Variants in EVC2 observed in about 807,000 individuals in gnomAD.
EVC2 encodes EvC ciliary complex subunit 2.
EVC2 carries 148 observed loss-of-function variants against 149.3 expected under a neutral mutation model. The observed-to-expected ratio is 0.99, with a 90% CI of 0.87 to 1.14. The LOEUF (loss-of-function observed/expected upper bound fraction) is 1.14. Among genes scored for constraint, EVC2 ranks in the 50% most tolerant of loss-of-function variants. EVC2 has a pLI of 0.00. For synonymous variants in EVC2, 776 were observed against 649.9 expected (o/e 1.19, Z -2.95); for missense variants, 1,854 against 1,627.3 (o/e 1.14, Z -2.40).
intron 21 of EVC2, among the ~76,000 whole-genome samples, chr4:5,544,018 G>A (rs866368837): frequency 2.6e-5 from 4 of 152,134 alleles, no homozygotes; most frequent in African/African-American, 9.7e-5. Context: ...ACATCAGGTC[G>A]GCAAATTGTG....
At chr4:5,558,757 GTACTC>G (rs1721885889), downstream of EVC2, among the ~76,000 whole-genome samples, 1 of 152,190 alleles carries the variant, frequency 6.6e-6, no homozygotes, top group Non-Finnish European at 1.5e-5. Context: ...CTGCACATAA[GTACTC>G]TACTCTACTG....
intron 16 of EVC2, among the ~76,000 whole-genome samples, chr4:5,606,136 A>G (rs1714377007): frequency 6.6e-6 from 1 of 152,156 alleles, no homozygotes; most frequent in Non-Finnish European, 1.5e-5. Context: ...AAATGCCTAA[A>G]TCTTGTTGAT....
At chr4:5,634,341 C>T (rs1247296376) in intron 10 of EVC2, among the ~76,000 whole-genome samples, 2 of 152,224 alleles carry the variant, frequency 1.3e-5, no homozygotes, top group Non-Finnish European at 2.9e-5. Context: ...CTGGGCACCG[C>T]AGGGGCATTC....
chr4:5,706,377 GATA>G (rs1560243423), intron 1 of EVC2, among the ~76,000 whole-genome samples: 50 of 9,542 alleles, frequency 5.2e-3, no homozygotes, highest in East Asian at 0.03. Flanking sequence ...TACATAGATA[GATA>G]CATAGATAGA....
chr4:5,660,012 TATA>T (rs1303776944), intron 9 of EVC2, among the ~76,000 whole-genome samples: 2 of 152,194 alleles, frequency 1.3e-5, no homozygotes, highest in Non-Finnish European at 2.9e-5. Flanking sequence ...CATCACTTAA[TATA>T]ATAAGTGACA....
At chr4:5,701,860 A>C (rs562870101) in intron 1 of EVC2, among the ~76,000 whole-genome samples, 3 of 152,234 alleles carry the variant, frequency 2.0e-5, no homozygotes, top group Non-Finnish European at 2.9e-5. Flanking sequence ...ACCCAGAACC[A>C]ATCCCAGTAA....
chr4:5,660,420 A>C (rs1191880256), intron 9 of EVC2, among the ~76,000 whole-genome samples: 1 of 152,212 alleles, frequency 6.6e-6, no homozygotes, highest in Non-Finnish European at 1.5e-5. Context: ...CAGGCCAGTT[A>C]AGTAGTTGCT....
chr4:5,665,691 C>G (rs774648150), intron 7 of EVC2, 42 bp from the exon 8 acceptor site: 2 of 1,608,956 alleles, frequency 1.2e-6, no homozygotes, highest in Admixed American at 1.7e-5. Flanking sequence ...TGTGGTCAGA[C>G]AGCATGTCTC....
chr4:5,544,457 A>C (rs752588050), intron 21 of EVC2, among the ~76,000 whole-genome samples: 2 of 152,154 alleles, frequency 1.3e-5, no homozygotes, highest in African/African-American at 2.4e-5. Context: ...AATTCTGTGG[A>C]AAGTTTGGGT....
At chr4:5,688,042 C>T (rs758447911) in intron 5 of EVC2, among the ~76,000 whole-genome samples, 14 of 152,140 alleles carry the variant, frequency 9.2e-5, no homozygotes, top group African/African-American at 2.2e-4. Context: ...GCTTTGAACA[C>T]GAGTTAAGAA....
intron 5 of EVC2, among the ~76,000 whole-genome samples, chr4:5,687,735 G>A (rs556726038): frequency 1.3e-5 from 2 of 152,290 alleles, no homozygotes; most frequent in African/African-American, 4.8e-5. Context: ...AGAAGGGTAG[G>A]AAGCTGGGTC....
At chr4:5,597,149 T>G (rs1261944026) in intron 16 of EVC2, among the ~76,000 whole-genome samples, 1 of 152,200 alleles carries the variant, frequency 6.6e-6, no homozygotes, top group African/African-American at 2.4e-5. Flanking sequence ...AAGGAGGAAC[T>G]GGTACCATTC....
At chr4:5,635,029 C>CTTTTTTTTT (rs34769603) in intron 10 of EVC2, among the ~76,000 whole-genome samples, 5 of 71,462 alleles carry the variant, frequency 7.0e-5, no homozygotes, top group Non-Finnish European at 7.3e-5. Context: ...AACAAATGTG[C>CTTTTTTTTT]TTTTTTTTTT....
At chr4:5,694,048 A>G (rs1721302017) in intron 3 of EVC2, among the ~76,000 whole-genome samples, 1 of 152,194 alleles carries the variant, frequency 6.6e-6, no homozygotes, top group African/African-American at 2.4e-5. Context: ...GCTGGCAGTC[A>G]CTCGGTCTGG....
At chr4:5,542,867 C>G (rs371127233) in exon 23 of EVC2, 5 of 309,724 alleles carry the variant, frequency 1.6e-5, no homozygotes, top group East Asian at 1.8e-4. Flanking sequence ...CTCATAGGAA[C>G]AACAGCAGCT....
intron 16 of EVC2, among the ~76,000 whole-genome samples, chr4:5,610,404 C>T (rs1284154858): frequency 6.6e-6 from 1 of 152,174 alleles, no homozygotes; most frequent in African/African-American, 2.4e-5. Flanking sequence ...GTTCTTCAAT[C>T]AGTGCATAAG....
chr4:5,585,627 C>A (rs1577119653), intron 16 of EVC2, among the ~76,000 whole-genome samples: 1 of 152,054 alleles, frequency 6.6e-6, no homozygotes, highest in Non-Finnish European at 1.5e-5. Flanking sequence ...TTTATAATAA[C>A]CTGCACATAT....
At chr4:5,616,641 C>T (rs147116754) in intron 15 of EVC2, among the ~76,000 whole-genome samples, 154 of 152,306 alleles carry the variant, frequency 1.0e-3, no homozygotes, top group African/African-American at 3.5e-3. Flanking sequence ...ACAATTTTAT[C>T]CCCAGGCCTT....
At chr4:5,543,099 T>G in exon 22 of EVC2, 1 of 1,279,704 alleles carries the variant, frequency 7.8e-7, no homozygotes, top group Non-Finnish European at 1.0e-6. Context: ...AGGTAACTCA[T>G]CTATGTTTGG....
Sources: gnomAD v4.1 joint callset for allele counts (sites outside exome capture counted in the v4.1 genomes callset) on GRCh38, gnomAD v4.1.1 for gene constraint, MANE v1.5 for transcripts, NCBI Gene and HGNC (gene_info 2026-07-23, HGNC 2026-07-21) for gene names.